SARS1: variants seen among roughly 807,000 people sequenced by gnomAD.
SARS1 encodes the protein serine--tRNA ligase, cytoplasmic.
SARS1 carries 25 observed loss-of-function variants against 63.7 expected under a neutral mutation model. The ratio of observed to expected loss-of-function variants is 0.39; its 90% CI spans 0.29 to 0.55. The LOEUF (loss-of-function observed/expected upper bound fraction) is 0.55, where lower values mean the gene tolerates loss of function less well. SARS1 is among the 20% of genes least tolerant of loss of function. The pLI is 0.62. For synonymous variants in SARS1, 231 were observed against 243.5 expected, an observed-to-expected ratio of 0.95 and a Z score of 0.48; for missense variants, 417 against 649.7, an observed-to-expected ratio of 0.64 and a Z score of 3.89.
At chr1:109,229,639 G>A (rs945827958) in intron 4 of SARS1, 67 bp downstream of exon 4, 2 of 1,507,128 alleles carry the variant, frequency 1.3e-6, no homozygotes, top group Non-Finnish European at 1.8e-6. Context: ...GCGGGGACGG[G>A]AGGAGATCTG....
intron 1 of SARS1, among the ~76,000 whole-genome samples, chr1:109,218,005 C>T (rs1002487486): frequency 1.3e-5 from 2 of 151,416 alleles, no homozygotes; most frequent in Non-Finnish European, 2.9e-5. Context: ...TCCTGGCTAA[C>T]ACGGTGAAAC....
chr1:109,217,768 C>T (rs978190263), intron 1 of SARS1, among the ~76,000 whole-genome samples: 7 of 151,982 alleles, frequency 4.6e-5, no homozygotes, highest in Admixed American at 1.3e-4. Context: ...CTTTGTTGCC[C>T]AGGCTGGTCT....
Position 109,231,789 on chromosome 1 carries a change from G to T in SARS1, c.747+3G>T. ...AGTTTGATGAAGAACTTTATAAGGTGAGTAGCCTGGGTCAGGTGACAGAAT... is the reference window on the plus strand; with the variant it reads ...AGTTTGATGAAGAACTTTATAAGGTTAGTAGCCTGGGTCAGGTGACAGAAT... On this transcript the variant is annotated splice_donor_region_variant and intron_variant, in intron 6 of 10. Coordinates refer to ENST00000234677, the MANE Select transcript of SARS1 (RefSeq NM_006513.4). The T allele has an allele frequency of 6.6e-7, 1 of 1,524,690 alleles. No individual in the cohort carries two copies. The highest frequency in any genetic ancestry group is 8.8e-7 in the Non-Finnish European group (1 of 1,138,902). 94.4% of individuals were successfully genotyped at this position (1,524,690 alleles called of 1,614,324 possible).
chr1:109,235,225 A>T lies in SARS1; in HGVS notation c.763A>T (p.Ser255Cys), dbSNP rs1209287622. Residue 255 changes from serine (S) to cysteine (C), a missense_variant, in exon 7 of 11, where the codon AGT (serine) becomes TGT (cysteine). Transcript: ENST00000234677. This position sits in a 1 kb window ranked among gnomAD's most constrained non-coding sequence, Gnocchi z 4.7. Reference protein sequence around the residue: ...EELYKVIGKGSEKSDDNSYDE... With the variant: ...EELYKVIGKGCEKSDDNSYDE... ...CCTTCCACAGGTGATTGGCAAAGGC[A>T]GTGAAAAGTCTGATGACAACTCCTA... The T allele has an allele frequency of 6.2e-7, 1 of 1,614,088 alleles. No individual in the cohort carries two copies. The highest frequency in any genetic ancestry group is 2.2e-5 in the East Asian group (1 of 44,884).
At chr1:109,221,593 A>G (rs1654930104) in intron 1 of SARS1, among the ~76,000 whole-genome samples, 1 of 152,304 alleles carries the variant, frequency 6.6e-6, no homozygotes, top group Non-Finnish European at 1.5e-5. Context: ...TAACAAAATA[A>G]CTGGATACAA....
chr1:109,219,827 CA>C (rs1237388008), intron 1 of SARS1, among the ~76,000 whole-genome samples: 1 of 152,128 alleles, frequency 6.6e-6, no homozygotes, highest in Non-Finnish European at 1.5e-5. Flanking sequence ...TTCTTTCTTT[CA>C]AGATTATGTC....
chr1:109,236,194 T>G, intron 8 of SARS1, 88 bp downstream of exon 8: 4 of 1,473,938 alleles, frequency 2.7e-6, no homozygotes, highest in Non-Finnish European at 3.7e-6. Context: ...GAGAAACAGC[T>G]CACAATTCAA....
intron 4 of SARS1, among the ~76,000 whole-genome samples, chr1:109,229,994 C>T (rs1329228362): frequency 6.6e-6 from 1 of 152,180 alleles, no homozygotes; most frequent in East Asian, 1.9e-4. Context: ...AGCCTTTGTT[C>T]CCCGACACCC....
At chr1:109,232,107 A>C (rs1384524423) in intron 6 of SARS1, among the ~76,000 whole-genome samples, 3 of 152,232 alleles carry the variant, frequency 2.0e-5, no homozygotes, top group African/African-American at 7.2e-5. Flanking sequence ...AAAGAAGCCC[A>C]TTCCTTGGGT....
At chr1:109,223,768 C>T (rs937868192) in intron 1 of SARS1, among the ~76,000 whole-genome samples, 1 of 152,212 alleles carries the variant, frequency 6.6e-6, no homozygotes, top group African/African-American at 2.4e-5. Context: ...TGCACCATTA[C>T]ACTCCAGCCT....
At chr1:109,221,156 G>A (rs1167394701) in intron 1 of SARS1, among the ~76,000 whole-genome samples, 3 of 151,710 alleles carry the variant, frequency 2.0e-5, no homozygotes, top group Admixed American at 6.6e-5. Flanking sequence ...CACCTCCCAG[G>A]TTCAAGCGAT....
intron 4 of SARS1, among the ~76,000 whole-genome samples, chr1:109,230,519 A>T (rs1392920107): frequency 1.3e-5 from 2 of 152,182 alleles, no homozygotes. Context: ...AAGAAATCAT[A>T]TATCAAGCTT....
At chr1:109,216,767 G>C (rs765066144) in intron 1 of SARS1, 3 of 438,030 alleles carry the variant, frequency 6.8e-6, no homozygotes, top group African/African-American at 2.2e-5. Flanking sequence ...GACTACAGGC[G>C]CAATGCCACC....
chr1:109,233,377 C>T (rs998876981), intron 6 of SARS1, among the ~76,000 whole-genome samples: 21 of 152,038 alleles, frequency 1.4e-4, no homozygotes, highest in Non-Finnish European at 2.6e-4. Flanking sequence ...CTAGAGCTTT[C>T]GTATGTTGTA....
chr1:109,223,123 T>C (rs1654985670), intron 1 of SARS1, among the ~76,000 whole-genome samples: 1 of 152,240 alleles, frequency 6.6e-6, no homozygotes, highest in South Asian at 2.1e-4. Context: ...ATGATACCAA[T>C]ATATTAATTT....
At chr1:109,223,691 C>G (rs1255812579) in intron 1 of SARS1, among the ~76,000 whole-genome samples, 1 of 152,184 alleles carries the variant, frequency 6.6e-6, no homozygotes, top group African/African-American at 2.4e-5. Context: ...ATAATCCCAG[C>G]TACTCGGGAG....
intron 2 of SARS1, among the ~76,000 whole-genome samples, chr1:109,224,970 C>T (rs1200611412): frequency 2.0e-5 from 3 of 152,046 alleles, no homozygotes; most frequent in Non-Finnish European, 2.9e-5. Flanking sequence ...CCAGACGTGG[C>T]GGCCTGTGCC....
At chr1:109,226,150 T>C (rs1343759968) in intron 2 of SARS1, among the ~76,000 whole-genome samples, 2 of 147,190 alleles carry the variant, frequency 1.4e-5, no homozygotes, top group Non-Finnish European at 3.0e-5. Context: ...GCTAATTTTT[T>C]TTTTTTTTTT....
chr1:109,231,866 A>T, intron 6 of SARS1, 80 bp downstream of exon 6: 1 of 1,221,830 alleles, frequency 8.2e-7, no homozygotes, highest in Non-Finnish European at 1.1e-6. Context: ...GGTGCTGTCC[A>T]ATAGGACTTT....
Sources: allele counts gnomAD v4.1 joint callset (sites outside exome capture counted in the v4.1 genomes callset), GRCh38; gene constraint gnomAD v4.1.1; non-coding constraint Gnocchi (gnomAD v3.1); transcripts MANE v1.5; gene names NCBI Gene and HGNC (gene_info 2026-07-23, HGNC 2026-07-21).